PPM1L: variants seen among roughly 807,000 people sequenced by gnomAD.
PPM1L encodes the protein protein phosphatase 1L.
In PPM1L, 13 loss-of-function variants were observed where a neutral mutation model predicts 31.4. The ratio of observed to expected loss-of-function variants is 0.41; its 90% CI spans 0.27 to 0.66. The LOEUF (loss-of-function observed/expected upper bound fraction) is 0.66. Among genes scored for constraint, PPM1L ranks in the 30% least tolerant of loss-of-function variants. The probability of loss-of-function intolerance (pLI) is 0.29; values close to 1 mark genes in which losing one functional copy is unlikely to be tolerated. For missense variants in PPM1L, 326 were observed against 453.7 expected (o/e 0.72, Z 2.56); for synonymous variants, 184 against 175.4 (o/e 1.05, Z -0.39).
At chr3:160,874,729 T>C (rs947957205) in intron 1 of PPM1L, among the ~76,000 whole-genome samples, 12 of 152,168 alleles carry the variant, frequency 7.9e-5, no homozygotes, top group African/African-American at 2.4e-4. Context: ...CCCTAAAAGG[T>C]GATACAACCT....
chr3:161,057,343 G>A (rs3925722), intron 2 of PPM1L, among the ~76,000 whole-genome samples: 7,717 of 152,104 alleles, frequency 0.051, 501 homozygotes, highest in African/African-American at 0.14. Context: ...GCATTTATAA[G>A]GTAGATGTGA....
intron 2 of PPM1L, among the ~76,000 whole-genome samples, chr3:160,969,021 G>T (rs1185861830): frequency 6.6e-6 from 1 of 152,224 alleles, no homozygotes; most frequent in Non-Finnish European, 1.5e-5. Context: ...TGCACATGAG[G>T]GAAGAAGAGA....
chr3:160,905,775 T>A (rs1339109501), intron 1 of PPM1L, among the ~76,000 whole-genome samples: 1 of 152,188 alleles, frequency 6.6e-6, no homozygotes, highest in African/African-American at 2.4e-5. Context: ...TTTCTGTTCT[T>A]AAAATTCTAG....
At chr3:161,004,212 CT>C (rs1170210870) in intron 2 of PPM1L, among the ~76,000 whole-genome samples, 11 of 147,480 alleles carry the variant, frequency 7.5e-5, no homozygotes, top group Middle Eastern at 3.6e-3. Flanking sequence ...GGTGGATAAG[CT>C]TTTTGATGTG....
chr3:161,024,032 C>G (rs768574818), intron 2 of PPM1L, among the ~76,000 whole-genome samples: 3 of 151,816 alleles, frequency 2.0e-5, no homozygotes, highest in Non-Finnish European at 4.4e-5. Flanking sequence ...ATCCCAACAC[C>G]TTGGGAGGCC....
intron 1 of PPM1L, among the ~76,000 whole-genome samples, chr3:160,835,085 CT>C (rs1257023168): frequency 4.7e-4 from 55 of 117,866 alleles, no homozygotes; most frequent in African/African-American, 1.7e-3. Context: ...TCTTCTTCTT[CT>C]TTCTTTTTTC....
intron 2 of PPM1L, among the ~76,000 whole-genome samples, chr3:161,006,379 T>TG (rs1242618674): frequency 6.6e-6 from 1 of 152,176 alleles, no homozygotes; most frequent in Non-Finnish European, 1.5e-5. Flanking sequence ...TGTTGTTTGA[T>TG]GGGGATAGAG....
intron 2 of PPM1L, among the ~76,000 whole-genome samples, chr3:160,997,914 G>A (rs978627382): frequency 2.6e-5 from 4 of 152,160 alleles, no homozygotes; most frequent in Middle Eastern, 3.4e-3. Context: ...ACTTTCAATA[G>A]CCAAGAACCA....
At chr3:161,057,069 A>AT (rs398091941) in intron 2 of PPM1L, among the ~76,000 whole-genome samples, 1 of 152,060 alleles carries the variant, frequency 6.6e-6, no homozygotes, top group East Asian at 1.9e-4. Context: ...TCTCAAAAAA[A>AT]TAAAAAAGAA....
chr3:161,022,550 T>C (rs969919329), intron 2 of PPM1L: 1 of 166,716 alleles, frequency 6.0e-6, no homozygotes, highest in African/African-American at 2.4e-5. Context: ...TTTAGCATCC[T>C]TGTATTTCAC....
chr3:160,783,429 A>G (rs537944384), intron 1 of PPM1L, among the ~76,000 whole-genome samples: 25 of 152,054 alleles, frequency 1.6e-4, no homozygotes, highest in African/African-American at 5.3e-4. Flanking sequence ...GTGAAACTCC[A>G]TATCTACTAA....
intron 1 of PPM1L, among the ~76,000 whole-genome samples, chr3:160,835,632 C>G (rs180853273): frequency 2.4e-3 from 363 of 152,208 alleles, no homozygotes; most frequent in African/African-American, 8.6e-3. Context: ...CTTGTCCACT[C>G]CTCTCTACCA....
intron 2 of PPM1L, among the ~76,000 whole-genome samples, chr3:160,979,538 A>G (rs1008399615): frequency 5.9e-5 from 9 of 152,086 alleles, no homozygotes; most frequent in African/African-American, 1.4e-4. Flanking sequence ...TTTTACATCA[A>G]TATTCTAGCA....
At chr3:160,895,898 C>G (rs1276501395) in intron 1 of PPM1L, among the ~76,000 whole-genome samples, 1 of 152,166 alleles carries the variant, frequency 6.6e-6, no homozygotes, top group Non-Finnish European at 1.5e-5. Context: ...GCTTTCTTAT[C>G]TTTCAAAATT....
chr3:160,783,611 A>G (rs1370086883), intron 1 of PPM1L, among the ~76,000 whole-genome samples: 1 of 150,260 alleles, frequency 6.7e-6, no homozygotes, highest in African/African-American at 2.5e-5. Flanking sequence ...AAAAAAAAAA[A>G]AAAGAAAAAG....
intron 1 of PPM1L, among the ~76,000 whole-genome samples, chr3:160,853,728 CAAAT>C (rs1274663177): frequency 3.3e-5 from 5 of 151,968 alleles, no homozygotes; most frequent in Admixed American, 1.3e-4. Context: ...GAAATTTTAT[CAAAT>C]AAATAATCTA....
At chr3:160,844,535 T>C (rs1714012073) in intron 1 of PPM1L, among the ~76,000 whole-genome samples, 1 of 152,176 alleles carries the variant, frequency 6.6e-6, no homozygotes, top group South Asian at 2.1e-4. Flanking sequence ...CAGATACCGG[T>C]TTGCAAATCT....
chr3:160,840,162 C>G (rs186046766), intron 1 of PPM1L, among the ~76,000 whole-genome samples: 1 of 152,248 alleles, frequency 6.6e-6, no homozygotes, highest in Non-Finnish European at 1.5e-5. Flanking sequence ...GCTAATGGTA[C>G]TTTTAAAATG....
intron 1 of PPM1L, among the ~76,000 whole-genome samples, chr3:160,920,633 A>T (rs978941898): frequency 2.9e-4 from 30 of 101,926 alleles, no homozygotes; most frequent in Non-Finnish European, 5.0e-4. Flanking sequence ...ACACACACAC[A>T]CACACTCACA....
Sources: gnomAD v4.1 joint callset for allele counts (sites outside exome capture counted in the v4.1 genomes callset) on GRCh38, gnomAD v4.1.1 for gene constraint, MANE v1.5 for transcripts, NCBI Gene and HGNC (gene_info 2026-07-23, HGNC 2026-07-21) for gene names.